ZNF569: variants seen among roughly 807,000 people sequenced by gnomAD.
ZNF569 encodes DNA-binding protein.
Under a neutral mutation model 56.3 loss-of-function variants are expected in ZNF569, and 38 were observed. That is an observed-to-expected ratio of 0.68 (90% CI 0.52 to 0.88). The LOEUF (loss-of-function observed/expected upper bound fraction) is 0.88, where lower values mean the gene tolerates loss of function less well. Ranked by LOEUF, ZNF569 falls within the 40% of genes least tolerant of loss-of-function variation. The pLI is 0.00. For missense variants in ZNF569, 666 were observed against 809.2 expected, an observed-to-expected ratio of 0.82 and a Z score of 2.15; for synonymous variants, 241 against 262.9, an observed-to-expected ratio of 0.92 and a Z score of 0.81.
chr19:37,456,924 C>T (rs143189855), intron 2 of ZNF569, among the ~76,000 whole-genome samples: 2,751 of 150,678 alleles, frequency 0.018, 40 homozygotes, highest in Non-Finnish European at 0.031. Context: ...GTCTAGATCG[C>T]GCCATTGCAC....
chr19:37,463,668 C>T (rs1032864836), intron 2 of ZNF569, among the ~76,000 whole-genome samples: 9 of 152,102 alleles, frequency 5.9e-5, no homozygotes, highest in African/African-American at 1.7e-4. Context: ...TCCTTCCAGA[C>T]GTATTCCAGA....
intron 2 of ZNF569, among the ~76,000 whole-genome samples, chr19:37,445,270 T>C (rs1053731661): frequency 7.9e-5 from 12 of 152,184 alleles, no homozygotes; most frequent in Admixed American, 7.2e-4. Context: ...ACCTAAAGTA[T>C]TTTAAAGTAT....
At position 37,443,852 on chromosome 19, in the gene ZNF569, C is replaced by CAAAAA. The variant is rs1201588423; in HGVS notation, c.15+1050_15+1054dup. Among the ~76,000 whole-genome samples the CAAAAA allele has an allele frequency of 7.0e-3, 806 of 114,574 alleles. 8 individuals are homozygous for CAAAAA. The highest frequency in any genetic ancestry group is 0.025 in the African/African-American group (747 of 30,434). The allele number at this position is 114,574 out of a possible 152,430, so 75.2% of individuals were successfully genotyped here. A position where few individuals can be genotyped will look rare whatever the true frequency, so the allele number is the denominator to read the frequency against. On this transcript the variant is annotated intron_variant, in intron 3 of 5. Transcript: ENST00000316950. ...TGAAATCCCATCTGTACTAAAAATACAAAAAAAAAAAAAAAATTAGCCAGG... is the reference window on the plus strand; with the variant it reads ...TGAAATCCCATCTGTACTAAAAATACAAAAAAAAAAAAAAAAAAAAATTAGCCAGG...
At chr19:37,443,214 C>T (rs1215579239) in intron 3 of ZNF569, among the ~76,000 whole-genome samples, 3 of 152,088 alleles carry the variant, frequency 2.0e-5, no homozygotes, top group Non-Finnish European at 4.4e-5. Flanking sequence ...GGCATGGTGG[C>T]GCACGCCTGT....
At position 37,413,593 on chromosome 19, in the gene ZNF569, T is replaced by C. The variant is rs139894308; in HGVS notation, c.1065A>G (p.Lys355=). 7.0e-4 allele frequency: 1,124 copies of C among 1,613,898 alleles called. 16 individuals are homozygous for C. The South Asian group carries it at 7.1e-3, about 10-fold the overall frequency. Residue 355 remains lysine (K), a synonymous_variant, in exon 6 of 6, where the codon AAA becomes AAG. Transcript: ENST00000316950. ...MRSHTGEKPY[K]CDKCGKAFSQ... ...AGAAGGCTTTACCACATTTATCACA[T>C]TTATAAGGTTTTTCTCCTGTATGAC...
At position 37,453,819 on chromosome 19, in the gene ZNF569, T is replaced by C. The variant is rs944145460; in HGVS notation, c.-43-8855A>G. On this transcript the variant is annotated intron_variant, in intron 2 of 5. Coordinates refer to ENST00000316950, the MANE Select transcript of ZNF569 (RefSeq NM_152484.3). ...CCAATTACCCATCAGGTCCATTTCA[T>C]ATAAGTCATAGTTATCTTAAATTCC... Among the ~76,000 whole-genome samples, 10 of 152,236 alleles carry C rather than the reference T, an allele frequency of 6.6e-5. No homozygotes were observed. The East Asian group carries it at 1.9e-3, about 29-fold the overall frequency.
chr19:37,422,565 G>A (rs915707274), intron 5 of ZNF569, among the ~76,000 whole-genome samples: 6 of 152,250 alleles, frequency 3.9e-5, no homozygotes, highest in Middle Eastern at 3.4e-3. Context: ...GTTCGATGCA[G>A]GGCTGCCACA....
Position 37,425,962 on chromosome 19 carries a change from G to T in ZNF569, c.144C>A (p.Gly48=), listed in dbSNP as rs1278720477. Residue 48 remains glycine (G), a splice_region_variant and synonymous_variant, in exon 5 of 6, where the codon GGC becomes GGA. Coordinates refer to ENST00000316950, the MANE Select transcript of ZNF569 (RefSeq NM_152484.3). ...LENYNNLITV[G]YPFTKPDVIF... ...TCACATCAGGTTTGGTGAACGGATA[G>T]CCTGTCAAAGGGAAGTTACATAGAT... is the stretch of plus-strand genomic sequence containing the variant. The T allele has an allele frequency of 6.2e-7, 1 of 1,613,770 alleles. No individual in the cohort carries two copies. The highest frequency in any genetic ancestry group is 1.1e-5 in the South Asian group (1 of 91,062).
chr19:37,451,325 G>T (rs1032081632), intron 2 of ZNF569, among the ~76,000 whole-genome samples: 1 of 151,452 alleles, frequency 6.6e-6, no homozygotes, highest in Non-Finnish European at 1.5e-5. Flanking sequence ...ACTTGAACCC[G>T]GGAGGCGGAG....
intron 3 of ZNF569, among the ~76,000 whole-genome samples, chr19:37,426,945 G>C (rs1454685738): frequency 6.6e-6 from 1 of 152,148 alleles, no homozygotes; most frequent in Non-Finnish European, 1.5e-5. Context: ...AGACAACCAT[G>C]AAAAAACACA....
At chr19:37,445,597 G>C (rs2041479805) in intron 2 of ZNF569, among the ~76,000 whole-genome samples, 1 of 152,146 alleles carries the variant, frequency 6.6e-6, no homozygotes, top group Non-Finnish European at 1.5e-5. Flanking sequence ...GAATTCAGCA[G>C]TTTCAGGACA....
At chr19:37,454,514 G>A (rs2041642472) in intron 2 of ZNF569, among the ~76,000 whole-genome samples, 1 of 151,872 alleles carries the variant, frequency 6.6e-6, no homozygotes, top group Non-Finnish European at 1.5e-5. Flanking sequence ...CTTTTTTTCA[G>A]GTCCCTTTCC....
At chr19:37,463,489 ATTAG>A (rs1190110116) in intron 2 of ZNF569, among the ~76,000 whole-genome samples, 7 of 152,200 alleles carry the variant, frequency 4.6e-5, no homozygotes, top group Non-Finnish European at 1.0e-4. Flanking sequence ...TGTGTATGGT[ATTAG>A]TATTTGATAA....
At chr19:37,455,093 C>A (rs1373567474) in intron 2 of ZNF569, 1 of 440,810 alleles carries the variant, frequency 2.3e-6, no homozygotes. Context: ...AACCCAAAGT[C>A]CCCTCATTAC....
intron 2 of ZNF569, among the ~76,000 whole-genome samples, chr19:37,455,406 C>T (rs1337477446): frequency 6.6e-6 from 1 of 152,182 alleles, no homozygotes; most frequent in African/African-American, 2.4e-5. Context: ...AACTTACTTC[C>T]AGCCATATCA....
rs773709205 is a variant in ZNF569, at chr19:37,412,762, T to C, written c.1896A>G (p.Lys632=). 1 of 1,613,796 alleles carries C rather than the reference T, an allele frequency of 6.2e-7. No individual in the cohort carries two copies. The highest frequency in any genetic ancestry group is 8.5e-7 in the Non-Finnish European group (1 of 1,179,880). ...TIHIRGHTGE[K]PFDCSKCGKA... The stretch of plus-strand genomic sequence containing the variant: ...TTCCACATTTACTACAGTCGAAGGG[T>C]TTCTCACCTGTATGTCCTCGTATAT... Residue 632 remains lysine (K), a synonymous_variant, in exon 6 of 6, where the codon AAA becomes AAG. Transcript: ENST00000316950.
chr19:37,441,450 G>A (rs1233748146), intron 3 of ZNF569, among the ~76,000 whole-genome samples: 1 of 152,148 alleles, frequency 6.6e-6, no homozygotes, highest in African/African-American at 2.4e-5. Context: ...CTGAGCCCAG[G>A]AGTTCGAGAT....
At chr19:37,423,153 G>T (rs1023117524) in intron 5 of ZNF569, among the ~76,000 whole-genome samples, 1 of 151,964 alleles carries the variant, frequency 6.6e-6, no homozygotes, top group African/African-American at 2.4e-5. Context: ...GAATTAAGTG[G>T]GTAATTTCAT....
chr19:37,446,508 C>G (rs1343810418), intron 2 of ZNF569, among the ~76,000 whole-genome samples: 2 of 148,728 alleles, frequency 1.3e-5, no homozygotes, highest in Non-Finnish European at 3.0e-5. Context: ...CAATATCACA[C>G]CACTGCACTC....
Sources: gnomAD v4.1 joint callset for allele counts (sites outside exome capture counted in the v4.1 genomes callset) on GRCh38, gnomAD v4.1.1 for gene constraint, MANE v1.5 for transcripts, NCBI Gene and HGNC (gene_info 2026-07-23, HGNC 2026-07-21) for gene names.